Variants in CSMD1 observed in about 807,000 individuals in gnomAD.
CSMD1 encodes the protein CUB and Sushi multiple domains 1, also known as CUB and sushi domain-containing protein 1.
Under a neutral mutation model 417.5 loss-of-function variants are expected in CSMD1, and 213 were observed. The observed-to-expected ratio is 0.51, with a 90% CI of 0.46 to 0.57. CSMD1 has a LOEUF of 0.57. Ranked by LOEUF, CSMD1 falls within the 20% of genes least tolerant of loss-of-function variation. The pLI, the probability that CSMD1 is intolerant of heterozygous loss-of-function variation, is 0.00. For missense variants in CSMD1, 6,923 were observed against 4,529.7 expected, an observed-to-expected ratio of 1.53 and a Z score of -15.17; for synonymous variants, 2,862 against 1,736.8, an observed-to-expected ratio of 1.65 and a Z score of -16.11.
chr8:3,960,884 A>G (rs559150946), intron 5 of CSMD1, among the ~76,000 whole-genome samples: 3 of 152,160 alleles, frequency 2.0e-5, no homozygotes, highest in South Asian at 4.1e-4. Flanking sequence ...ATGTTTATAC[A>G]AAGCTCATAT....
chr8:4,848,155 A>T (rs1373784141), intron 1 of CSMD1, among the ~76,000 whole-genome samples: 4 of 152,166 alleles, frequency 2.6e-5, no homozygotes, highest in Non-Finnish European at 5.9e-5. Flanking sequence ...TTAGTACTTC[A>T]TTCTTGGTCT....
At position 2,938,721 on chromosome 8, in the gene CSMD1, T is replaced by A. The variant is rs758114301; in HGVS notation, c.10559A>T (p.Asn3520Ile). 6.2e-7 allele frequency: 1 copy of A among 1,610,476 alleles called. No individual in the cohort carries two copies. The highest frequency in any genetic ancestry group is 8.5e-7 in the Non-Finnish European group (1 of 1,178,160). ...KHRTRPKVQY[N>I]GYAGHENSNG... Reference sequence around the variant, plus strand: ...GCTGTTTTCATGCCCAGCATAGCCATTGTATTGAACTTTTGGTCTCGTTCT... The same window carrying A: ...GCTGTTTTCATGCCCAGCATAGCCAATGTATTGAACTTTTGGTCTCGTTCT... Residue 3520 changes from asparagine (N) to isoleucine (I), a missense_variant, in exon 70 of 70, where the codon AAT (asparagine) becomes ATT (isoleucine). By Grantham distance (149) the Asn-to-Ile change is moderately radical. Coordinates refer to ENST00000635120, the MANE Select transcript of CSMD1 (RefSeq NM_033225.6).
intron 3 of CSMD1, among the ~76,000 whole-genome samples, chr8:4,275,540 G>C (rs571034375): frequency 1.1e-4 from 17 of 152,188 alleles, no homozygotes; most frequent in African/African-American, 4.1e-4. Context: ...TTACACATTG[G>C]TGAACTTCCA....
At chr8:3,303,944 G>A (rs540572619) in intron 25 of CSMD1, among the ~76,000 whole-genome samples, 308 of 75,044 alleles carry the variant, frequency 4.1e-3, no homozygotes, top group Non-Finnish European at 7.8e-3. Flanking sequence ...GGGGTATTGC[G>A]CCCCATTATA....
chr8:4,286,448 G>T, intron 3 of CSMD1, among the ~76,000 whole-genome samples: 1 of 152,126 alleles, frequency 6.6e-6, no homozygotes, highest in Non-Finnish European at 1.5e-5. Flanking sequence ...TTAGTCGGTT[G>T]CAATATGAAT....
intron 5 of CSMD1, among the ~76,000 whole-genome samples, chr8:3,955,206 G>C (rs1219622044): frequency 1.3e-5 from 2 of 152,126 alleles, no homozygotes; most frequent in East Asian, 1.9e-4. Context: ...AGAGCACCTT[G>C]AATGCGCCTC....
At chr8:4,024,753 G>A (rs1585154284) in intron 4 of CSMD1, among the ~76,000 whole-genome samples, 1 of 152,284 alleles carries the variant, frequency 6.6e-6, no homozygotes, top group South Asian at 2.1e-4. Flanking sequence ...GCCGCTCTGT[G>A]AAGTACGGCA....
intron 1 of CSMD1, among the ~76,000 whole-genome samples, chr8:4,972,566 A>T (rs984109368): frequency 2.0e-5 from 3 of 152,172 alleles, no homozygotes; most frequent in African/African-American, 7.2e-5. Context: ...ACTGTGAGTC[A>T]ATTAAATATC....
intron 3 of CSMD1, among the ~76,000 whole-genome samples, chr8:4,253,539 G>A (rs543865643): frequency 1.6e-4 from 24 of 152,254 alleles, no homozygotes; most frequent in Admixed American, 8.5e-4. Flanking sequence ...AAAGGATGAT[G>A]TTATTTAATC....
At chr8:4,950,000 TATTG>T (rs1313227936) in intron 1 of CSMD1, among the ~76,000 whole-genome samples, 1 of 152,190 alleles carries the variant, frequency 6.6e-6, no homozygotes, top group Non-Finnish European at 1.5e-5. Flanking sequence ...TGGTCACGAC[TATTG>T]ATTGAGATTA....
intron 3 of CSMD1, among the ~76,000 whole-genome samples, chr8:4,123,751 T>C (rs1190645498): frequency 6.6e-6 from 1 of 152,208 alleles, no homozygotes; most frequent in Admixed American, 6.5e-5. Context: ...AATGTGTTTA[T>C]GCTGTGATAA....
chr8:4,490,183 G>A (rs769823654), intron 2 of CSMD1, among the ~76,000 whole-genome samples: 1 of 151,904 alleles, frequency 6.6e-6, no homozygotes, highest in Non-Finnish European at 1.5e-5. Flanking sequence ...TGGGATTACA[G>A]GTGCCCGCCA....
At chr8:3,035,182 C>T (rs1016208906) in intron 50 of CSMD1, among the ~76,000 whole-genome samples, 4 of 152,156 alleles carry the variant, frequency 2.6e-5, no homozygotes, top group Non-Finnish European at 4.4e-5. Flanking sequence ...GGGCTGTTCC[C>T]TGTACCTGCC....
At chr8:3,327,279 A>G (rs887116977) in intron 23 of CSMD1, among the ~76,000 whole-genome samples, 5 of 151,984 alleles carry the variant, frequency 3.3e-5, no homozygotes, top group East Asian at 1.9e-4. Flanking sequence ...AGTAGCTGGG[A>G]CTACAGGCAC....
At chr8:2,950,172 T>C (rs1802528240) in intron 67 of CSMD1, 59 bp downstream of exon 67, 1 of 1,145,300 alleles carries the variant, frequency 8.7e-7, no homozygotes, top group South Asian at 1.2e-5. Context: ...CCCTTGCATC[T>C]GCACAGAGAG....
chr8:3,726,555 T>A (rs1269106467), intron 6 of CSMD1, among the ~76,000 whole-genome samples: 1 of 152,194 alleles, frequency 6.6e-6, no homozygotes, highest in Non-Finnish European at 1.5e-5. Context: ...TGTTTTTGAA[T>A]CTTCATGTTT....
chr8:3,681,002 A>C (rs566335886), intron 7 of CSMD1, among the ~76,000 whole-genome samples: 1 of 152,346 alleles, frequency 6.6e-6, no homozygotes, highest in South Asian at 2.1e-4. Flanking sequence ...TTCATGCTAA[A>C]AACTCTCAAT....
chr8:3,566,434 T>C (rs970393058), intron 10 of CSMD1, among the ~76,000 whole-genome samples: 1 of 152,014 alleles, frequency 6.6e-6, no homozygotes, highest in African/African-American at 2.4e-5. Context: ...TAGGCACCAC[T>C]GTACCTAGGG....
At chr8:3,340,957 T>G (rs1191754224) in intron 23 of CSMD1, among the ~76,000 whole-genome samples, 3 of 152,186 alleles carry the variant, frequency 2.0e-5, no homozygotes, top group African/African-American at 7.2e-5. Context: ...CCAATATTTC[T>G]TTCTCCTATT....
Sources: allele counts gnomAD v4.1 joint callset (sites outside exome capture counted in the v4.1 genomes callset), GRCh38; gene constraint gnomAD v4.1.1; transcripts MANE v1.5; gene names NCBI Gene and HGNC (gene_info 2026-07-23, HGNC 2026-07-21).